The following ACMSD variants were observed in gnomAD, a reference collection of about 807,000 sequenced individuals.
ACMSD encodes the protein 2-amino-3-carboxymuconate-6-semialdehyde decarboxylase.
ACMSD carries 37 observed loss-of-function variants against 45.9 expected under a neutral mutation model. That is an observed-to-expected ratio of 0.81 (90% CI 0.62 to 1.06). ACMSD has a LOEUF of 1.06. Among genes scored for constraint, ACMSD ranks in the 50% least tolerant of loss-of-function variants. ACMSD has a pLI of 0.00. For missense variants in ACMSD, 434 were observed against 420.9 expected (o/e 1.03, Z -0.27); for synonymous variants, 138 against 148.8 (o/e 0.93, Z 0.53).
chr2:134,847,967 T>A (rs1192045343), intron 2 of ACMSD, among the ~76,000 whole-genome samples: 1 of 152,110 alleles, frequency 6.6e-6, no homozygotes, highest in Admixed American at 6.6e-5. Flanking sequence ...TTCTCCTGCC[T>A]CAGGCTCCTG....
intron 8 of ACMSD, among the ~76,000 whole-genome samples, chr2:134,882,879 T>G (rs1160717427): frequency 6.6e-6 from 1 of 152,196 alleles, no homozygotes; most frequent in East Asian, 1.9e-4. Context: ...TCCCAGCAGG[T>G]GAGAAGTTTA....
intron 5 of ACMSD, 54 bp downstream of exon 5, chr2:134,863,685 G>T: frequency 6.3e-7 from 1 of 1,577,270 alleles, no homozygotes; most frequent in Non-Finnish European, 8.7e-7. Context: ...TGGGCCGGGG[G>T]CACCGCTGGG....
intron 8 of ACMSD, among the ~76,000 whole-genome samples, chr2:134,881,454 G>T (rs1008028915): frequency 6.6e-6 from 1 of 152,188 alleles, no homozygotes; most frequent in Non-Finnish European, 1.5e-5. Flanking sequence ...TTGGGCATTT[G>T]ATCTGTGAGT....
intron 1 of ACMSD, among the ~76,000 whole-genome samples, chr2:134,839,215 T>C (rs895337419): frequency 1.6e-4 from 24 of 152,210 alleles, no homozygotes; most frequent in Non-Finnish European, 1.9e-4. Context: ...ATTTTTTTAG[T>C]CTATTTTAGG....
chr2:134,844,881 A>G (rs1193051708), intron 1 of ACMSD, among the ~76,000 whole-genome samples: 1 of 152,340 alleles, frequency 6.6e-6, no homozygotes, highest in East Asian at 1.9e-4. Context: ...TGTATTTCCT[A>G]AAGAGTGGTC....
chr2:134,884,781 T>C (rs1184214057), intron 8 of ACMSD, among the ~76,000 whole-genome samples: 2 of 152,238 alleles, frequency 1.3e-5, no homozygotes, highest in South Asian at 4.1e-4. Context: ...TTATATACTT[T>C]CCCATATTAT....
intron 2 of ACMSD, among the ~76,000 whole-genome samples, chr2:134,850,302 CTT>C (rs1573624150): frequency 7.0e-6 from 1 of 142,488 alleles, no homozygotes; most frequent in East Asian, 2.0e-4. Context: ...GAGTTTCGCT[CTT>C]GTTGCCCAGG....
intron 8 of ACMSD, among the ~76,000 whole-genome samples, chr2:134,876,711 G>T (rs1688751866): frequency 6.6e-6 from 1 of 152,112 alleles, no homozygotes; most frequent in Admixed American, 6.6e-5. Flanking sequence ...GGATAACATA[G>T]TAAATACATA....
chr2:134,871,125 G>C (rs1553513364), intron 7 of ACMSD, 65 bp downstream of exon 7: 1 of 1,368,318 alleles, frequency 7.3e-7, no homozygotes, highest in Admixed American at 1.8e-5. Context: ...TGGGGTGACT[G>C]TAAGAAAACA....
At chr2:134,884,668 G>A (rs1689223353) in intron 8 of ACMSD, among the ~76,000 whole-genome samples, 1 of 152,074 alleles carries the variant, frequency 6.6e-6, no homozygotes, top group Admixed American at 6.6e-5. Context: ...TGGGACTTTA[G>A]GACTATTATC....
rs145720089 is a variant in ACMSD, at chr2:134,859,307, G to C, written c.149G>C (p.Arg50Pro). The C allele has an allele frequency of 6.2e-7, 1 of 1,614,074 alleles. No individual in the cohort carries two copies. Among genetic ancestry groups the C allele is most frequent in the Non-Finnish European group, 8.5e-7 (1 of 1,180,012 alleles). ...GATGGGAAAGTCTTCAGAGTGGTGC[G>C]AGAGAATTGCTGGGATCCAGAAGTT... ...LKDGKVFRVVRENCWDPEVRI... is the reference protein window; with the variant it reads ...LKDGKVFRVVPENCWDPEVRI... Residue 50 changes from arginine to proline, a missense_variant, in exon 3 of 10, where the codon CGA becomes CCA. Arg to Pro is a moderately radical substitution (Grantham distance 103). Coordinates refer to ENST00000356140, the MANE Select transcript of ACMSD (RefSeq NM_138326.3).
intron 2 of ACMSD, among the ~76,000 whole-genome samples, chr2:134,847,855 CTTTT>C (rs113677848): frequency 7.0e-6 from 1 of 141,952 alleles, no homozygotes. Flanking sequence ...TCTTCTTTTT[CTTTT>C]TTTTTTTTTG....
chr2:134,885,369 T>TA (rs1491413152), intron 8 of ACMSD, among the ~76,000 whole-genome samples: 2 of 101,304 alleles, frequency 2.0e-5, no homozygotes, highest in South Asian at 5.3e-4. Context: ...TACATATATA[T>TA]TATATATAAT....
At chr2:134,898,779 G>C (rs115592811) in intron 9 of ACMSD, among the ~76,000 whole-genome samples, 1,686 of 152,116 alleles carry the variant, frequency 0.011, 26 homozygotes, top group African/African-American at 0.037. Flanking sequence ...AATCTCAAAA[G>C]TTGTAATAAC....
chr2:134,853,673 A>T (rs1316991107), intron 2 of ACMSD, among the ~76,000 whole-genome samples: 1 of 152,104 alleles, frequency 6.6e-6, no homozygotes, highest in Non-Finnish European at 1.5e-5. Flanking sequence ...GATTCCTTAC[A>T]ATGGCTGTCA....
chr2:134,856,463 A>T (rs771600760), intron 2 of ACMSD, among the ~76,000 whole-genome samples: 1 of 152,178 alleles, frequency 6.6e-6, no homozygotes, highest in African/African-American at 2.4e-5. Context: ...CCAGTTACCA[A>T]ATAAGAGCAT....
At chr2:134,858,411 CA>C (rs759534485) in intron 2 of ACMSD, among the ~76,000 whole-genome samples, 10 of 152,056 alleles carry the variant, frequency 6.6e-5, no homozygotes, top group Non-Finnish European at 1.3e-4. Context: ...TATGAAATTT[CA>C]GTTAGACAGG....
At position 134,849,491 on chromosome 2, in the gene ACMSD, A is replaced by C. The variant is rs537451752; in HGVS notation, c.102+4214A>C. On this transcript the variant is annotated intron_variant, in intron 2 of 9. Coordinates refer to ENST00000356140, the MANE Select transcript of ACMSD (RefSeq NM_138326.3). ...GCAAAATAGGCTGGGAGCAATGAGAAAATCCAGGATTTGGGATTTGAAAAT... is the reference window on the plus strand; with the variant it reads ...GCAAAATAGGCTGGGAGCAATGAGACAATCCAGGATTTGGGATTTGAAAAT... Among the ~76,000 whole-genome samples, 3 of 152,332 alleles carry C rather than the reference A, an allele frequency of 2.0e-5. No individual in the cohort carries two copies. In the East Asian group the frequency reaches 5.8e-4, roughly 29 times the overall value.
chr2:134,879,111 T>C (rs2104907356), intron 8 of ACMSD, among the ~76,000 whole-genome samples: 1 of 152,350 alleles, frequency 6.6e-6, no homozygotes, highest in Non-Finnish European at 1.5e-5. Flanking sequence ...GAAATCCGTA[T>C]CTTAACTTTA....
Sources: gnomAD v4.1 joint callset for allele counts (sites outside exome capture counted in the v4.1 genomes callset) on GRCh38, gnomAD v4.1.1 for gene constraint, MANE v1.5 for transcripts, NCBI Gene and HGNC (gene_info 2026-07-23, HGNC 2026-07-21) for gene names.